Variants in EXOC6B observed in about 807,000 individuals in gnomAD.
EXOC6B encodes the protein exocyst complex component 6B, also known as SEC15 homolog B.
EXOC6B carries 54 observed loss-of-function variants against 113.5 expected under a neutral mutation model. That is an observed-to-expected ratio of 0.48 (90% CI 0.38 to 0.60). The LOEUF (loss-of-function observed/expected upper bound fraction) is 0.60, where lower values mean the gene tolerates loss of function less well. Ranked by LOEUF, EXOC6B falls within the 20% of genes least tolerant of loss-of-function variation. The probability of loss-of-function intolerance (pLI) is 0.00; values close to 1 mark genes in which losing one functional copy is unlikely to be tolerated. For synonymous variants in EXOC6B, 357 were observed against 339.0 expected, an observed-to-expected ratio of 1.05 and a Z score of -0.58; for missense variants, 797 against 977.5, an observed-to-expected ratio of 0.82 and a Z score of 2.46.
Position 72,515,580 on chromosome 2 carries a change from A to G in EXOC6B, c.916-454T>C. 3 of 1,004,574 alleles carry G rather than the reference A, an allele frequency of 3.0e-6. No homozygotes were observed. The South Asian group carries it at 1.3e-4, about 43-fold the overall frequency. The allele number at this position is 1,004,574 out of a possible 1,614,324, so 62.2% of individuals were successfully genotyped here. ...AAAAAAGCAGGAATTGAGAACAGTA[A>G]ATTAGTATTCCCCCTTAGGTTATAA... On this transcript the variant is annotated intron_variant, in intron 8 of 21. Coordinates refer to ENST00000272427, the MANE Select transcript of EXOC6B (RefSeq NM_015189.3).
intron 6 of EXOC6B, among the ~76,000 whole-genome samples, chr2:72,639,995 C>T (rs774512269): frequency 6.6e-6 from 1 of 152,110 alleles, no homozygotes; most frequent in East Asian, 1.9e-4. Context: ...ACCTCTCAAG[C>T]GAGGGTTCTG....
At chr2:72,269,263 T>G (rs1474308072) in intron 20 of EXOC6B, among the ~76,000 whole-genome samples, 2 of 150,688 alleles carry the variant, frequency 1.3e-5, no homozygotes, top group Non-Finnish European at 2.9e-5. Flanking sequence ...TATATTTAAA[T>G]TTCTGCCAAA....
intron 19 of EXOC6B, among the ~76,000 whole-genome samples, chr2:72,365,057 T>C (rs1370202838): frequency 6.6e-6 from 1 of 152,148 alleles, no homozygotes; most frequent in Non-Finnish European, 1.5e-5. Flanking sequence ...CTTTGGCTAA[T>C]TAGAGGCAAG....
intron 6 of EXOC6B, among the ~76,000 whole-genome samples, chr2:72,645,504 A>G (rs913203048): frequency 6.6e-6 from 1 of 152,208 alleles, no homozygotes; most frequent in Non-Finnish European, 1.5e-5. Context: ...TCAGCACCAC[A>G]TAGCATTTAT....
chr2:72,616,587 G>A (rs1671398840), intron 6 of EXOC6B, among the ~76,000 whole-genome samples: 1 of 152,172 alleles, frequency 6.6e-6, no homozygotes, highest in South Asian at 2.1e-4. Flanking sequence ...CAAAGAGAGA[G>A]CTTGTGCAGG....
At chr2:72,372,123 A>C (rs1216909586) in intron 19 of EXOC6B, among the ~76,000 whole-genome samples, 1 of 152,172 alleles carries the variant, frequency 6.6e-6, no homozygotes, top group African/African-American at 2.4e-5. Flanking sequence ...AAAGAAGTAA[A>C]GGATCTTACA....
intron 1 of EXOC6B, among the ~76,000 whole-genome samples, chr2:72,811,185 C>T (rs1302468939): frequency 6.6e-6 from 1 of 152,116 alleles, no homozygotes; most frequent in Non-Finnish European, 1.5e-5. Flanking sequence ...GTGGTACACA[C>T]CTGTAATCCC....
intron 6 of EXOC6B, among the ~76,000 whole-genome samples, chr2:72,692,212 GATT>G (rs1322917116): frequency 2.0e-5 from 3 of 150,952 alleles, no homozygotes; most frequent in Non-Finnish European, 4.4e-5. Flanking sequence ...CTTACTATAT[GATT>G]ATTATATGCT....
At chr2:72,182,783 C>A in intron 21 of EXOC6B, 1 of 734,846 alleles carries the variant, frequency 1.4e-6, no homozygotes. Context: ...TATGTCAGGG[C>A]GGGGACAACT....
intron 6 of EXOC6B, among the ~76,000 whole-genome samples, chr2:72,689,070 CATA>C (rs1261941075): frequency 5.9e-5 from 9 of 152,282 alleles, no homozygotes; most frequent in East Asian, 3.9e-4. Flanking sequence ...ACTTCCAAAA[CATA>C]ATGTTTATTA....
chr2:72,823,481 A>AAAAC (rs1559031755), intron 1 of EXOC6B, among the ~76,000 whole-genome samples: 3 of 142,212 alleles, frequency 2.1e-5, no homozygotes, highest in African/African-American at 8.2e-5. Context: ...AAAAAAAACA[A>AAAAC]AAAACAAAAA....
chr2:72,403,345 G>A (rs1463811169), intron 18 of EXOC6B, among the ~76,000 whole-genome samples: 3 of 152,098 alleles, frequency 2.0e-5, no homozygotes, highest in Non-Finnish European at 2.9e-5. Flanking sequence ...CTTCACTGAA[G>A]TGGCTCTAAA....
chr2:72,517,290 G>A (rs1305917384), intron 8 of EXOC6B, among the ~76,000 whole-genome samples: 3 of 152,042 alleles, frequency 2.0e-5, no homozygotes, highest in Admixed American at 2.0e-4. Flanking sequence ...CTTTTCTTTT[G>A]ATTTTAAAAA....
chr2:72,459,827 A>C (rs1317572372), intron 18 of EXOC6B, among the ~76,000 whole-genome samples: 1 of 152,164 alleles, frequency 6.6e-6, no homozygotes, highest in African/African-American at 2.4e-5. Flanking sequence ...GCTACCAATG[A>C]CTTTCTTCAC....
At chr2:72,398,749 C>T (rs1395421127) in intron 18 of EXOC6B, among the ~76,000 whole-genome samples, 1 of 148,932 alleles carries the variant, frequency 6.7e-6, no homozygotes, top group African/African-American at 2.5e-5. Flanking sequence ...CACACACACA[C>T]ACACACACAC....
At chr2:72,755,250 G>A (rs1249046099) in intron 1 of EXOC6B, among the ~76,000 whole-genome samples, 2 of 152,016 alleles carry the variant, frequency 1.3e-5, no homozygotes, top group Non-Finnish European at 2.9e-5. Context: ...GAAATGAATG[G>A]GCACCACTAC....
chr2:72,308,181 C>G (rs1572891776), intron 20 of EXOC6B, among the ~76,000 whole-genome samples: 1 of 152,170 alleles, frequency 6.6e-6, no homozygotes, highest in South Asian at 2.1e-4. Context: ...CTCATTAGGT[C>G]CAAATAATCC....
intron 6 of EXOC6B, among the ~76,000 whole-genome samples, chr2:72,624,784 T>C (rs1315377775): frequency 6.6e-6 from 1 of 152,116 alleles, no homozygotes; most frequent in Non-Finnish European, 1.5e-5. Flanking sequence ...AAAGCATTTA[T>C]ATAGTACCTA....
chr2:72,539,885 G>T (rs1482626588), intron 8 of EXOC6B, among the ~76,000 whole-genome samples: 1 of 151,328 alleles, frequency 6.6e-6, no homozygotes. Flanking sequence ...CCATGCTGGT[G>T]TGCTGCACCC....
Sources: allele counts gnomAD v4.1 joint callset (sites outside exome capture counted in the v4.1 genomes callset), GRCh38; gene constraint gnomAD v4.1.1; transcripts MANE v1.5; gene names NCBI Gene and HGNC (gene_info 2026-07-23, HGNC 2026-07-21).